Variants in TECRL observed in about 807,000 individuals in gnomAD.
TECRL encodes trans-2,3-enoyl-CoA reductase-like.
Under a neutral mutation model 52.8 loss-of-function variants are expected in TECRL, and 63 were observed. The ratio of observed to expected loss-of-function variants is 1.19; its 90% confidence interval spans 0.97 to 1.47. The LOEUF (loss-of-function observed/expected upper bound fraction) is 1.47, where lower values mean the gene tolerates loss of function less well. Ranked by LOEUF, TECRL falls within the 40% of genes most tolerant of loss-of-function variation. The pLI, the probability that TECRL is intolerant of heterozygous loss-of-function variation, is 0.00. For missense variants in TECRL, 482 were observed against 429.6 expected (o/e 1.12, Z -1.08); for synonymous variants, 164 against 141.9 (o/e 1.16, Z -1.10).
chr4:64,364,330 C>T (rs554572714), intron 2 of TECRL, among the ~76,000 whole-genome samples: 58 of 151,998 alleles, frequency 3.8e-4, no homozygotes, highest in African/African-American at 1.2e-3. Flanking sequence ...ATATTAACAA[C>T]GTCACATCTA....
At position 64,399,638 on chromosome 4, in the gene TECRL, C is replaced by A. The variant is rs149360354; in HGVS notation, c.234+9480G>T. 1.8e-3 allele frequency among the ~76,000 whole-genome samples: 278 copies of A among 152,308 alleles called. 7 individuals are homozygous for A. The highest frequency in any genetic ancestry group is 3.4e-4 in the Non-Finnish European group (23 of 68,032). The stretch of plus-strand genomic sequence containing the variant: ...GCCTAGACCCAGGACACTGCTTTTG[C>A]CTCCTGGCTGCTGGAGCTTCAACCC... On this transcript the variant is annotated intron_variant, in intron 1 of 11. Transcript: ENST00000381210.
chr4:64,279,431 GTAGAGACAGAGTCTCAATATGCTTTT>G lies in TECRL; in HGVS notation c.*615_*640del, dbSNP rs1023437226. 2.0e-5 allele frequency: 3 copies of G among 152,092 alleles called. No individual in the cohort carries two copies. Among genetic ancestry groups the G allele is most frequent in the African/African-American group, 7.2e-5 (3 of 41,400 alleles). The allele number at this position is 152,092 out of a possible 1,614,324, so 9.4% of individuals were successfully genotyped here. The stretch of plus-strand genomic sequence containing the variant: ...AATTTTTACTTTTTAAAATTTTTTT[GTAGAGACAGAGTCTCAATATGCTTTT>G]TAGAGACAGAGTCTCAATATGTTGC... On this transcript the variant is annotated 3_prime_UTR_variant, in exon 12 of 12. Coordinates refer to ENST00000381210, the MANE Select transcript of TECRL (RefSeq NM_001010874.5).
chr4:64,376,469 A>G (rs1722404779), intron 1 of TECRL, among the ~76,000 whole-genome samples: 1 of 151,948 alleles, frequency 6.6e-6, no homozygotes, highest in Non-Finnish European at 1.5e-5. Flanking sequence ...AGAGAGTAAT[A>G]TATATTTATA....
intron 8 of TECRL, 82 bp from the exon 9 acceptor site, chr4:64,289,849 C>A: frequency 2.4e-6 from 2 of 820,242 alleles, no homozygotes; most frequent in South Asian, 2.8e-5. Flanking sequence ...TATATAAAAT[C>A]TGTGTTGTAC....
intron 8 of TECRL, among the ~76,000 whole-genome samples, chr4:64,295,547 G>A (rs1344348044): frequency 6.6e-6 from 1 of 151,286 alleles, no homozygotes; most frequent in Admixed American, 6.6e-5. Flanking sequence ...ATAAAAATAT[G>A]AAAATATAGC....
chr4:64,399,100 G>A (rs977612278), intron 1 of TECRL, among the ~76,000 whole-genome samples: 2 of 152,006 alleles, frequency 1.3e-5, no homozygotes, highest in African/African-American at 4.8e-5. Flanking sequence ...CATGGTTTTA[G>A]TTTCTGTCTT....
intron 2 of TECRL, among the ~76,000 whole-genome samples, chr4:64,372,187 G>C (rs1422477089): frequency 6.6e-6 from 1 of 151,712 alleles, no homozygotes; most frequent in African/African-American, 2.4e-5. Flanking sequence ...GAGACTTGAA[G>C]ATGCAAACAA....
intron 2 of TECRL, among the ~76,000 whole-genome samples, chr4:64,342,899 G>GA (rs905106724): frequency 4.0e-5 from 6 of 151,856 alleles, no homozygotes; most frequent in African/African-American, 7.3e-5. Context: ...CACGTTTTCT[G>GA]AAAAAATAAC....
chr4:64,311,175 C>T (rs1034556105), intron 5 of TECRL, among the ~76,000 whole-genome samples: 5 of 152,136 alleles, frequency 3.3e-5, no homozygotes, highest in Non-Finnish European at 7.4e-5. Context: ...TTAGGAAAAA[C>T]AAATAATTAA....
At chr4:64,303,710 A>G (rs960234876) in intron 7 of TECRL, among the ~76,000 whole-genome samples, 17 of 151,792 alleles carry the variant, frequency 1.1e-4, no homozygotes, top group Admixed American at 5.9e-4. Context: ...TGCTTTCTCT[A>G]TTAAAGGAAA....
intron 4 of TECRL, among the ~76,000 whole-genome samples, chr4:64,319,959 T>G (rs902726153): frequency 6.6e-6 from 1 of 151,880 alleles, no homozygotes; most frequent in Non-Finnish European, 1.5e-5. Flanking sequence ...TATGTAAGTA[T>G]GCAAAGATAA....
intron 9 of TECRL, among the ~76,000 whole-genome samples, chr4:64,286,319 A>G (rs1051042502): frequency 5.3e-5 from 8 of 152,102 alleles, no homozygotes; most frequent in African/African-American, 1.7e-4. Flanking sequence ...AATATGAAAT[A>G]TATTTTCATT....
chr4:64,390,233 T>C lies in TECRL; in HGVS notation c.235-15010A>G, dbSNP rs912564339. Among the ~76,000 whole-genome samples the C allele has an allele frequency of 9.2e-5, 14 of 151,880 alleles. 1 individual carries two copies. The highest frequency in any genetic ancestry group is 6.6e-4 in the Admixed American group (10 of 15,220). Reference sequence around the variant, plus strand: ...GTGAATGAACTTTAGCACATGAATTTTGGAGTAAGTATTTTTGATGCAAAG... The same window carrying C: ...GTGAATGAACTTTAGCACATGAATTCTGGAGTAAGTATTTTTGATGCAAAG... On this transcript the variant is annotated intron_variant, in intron 1 of 11. Coordinates refer to ENST00000381210, the MANE Select transcript of TECRL (RefSeq NM_001010874.5).
chr4:64,373,250 T>G (rs955585449), intron 2 of TECRL, among the ~76,000 whole-genome samples: 3 of 151,584 alleles, frequency 2.0e-5, no homozygotes, highest in Admixed American at 6.6e-5. Context: ...AAGATAATTT[T>G]GAAAAAGTGA....
chr4:64,314,627 GTGTGTGTGTGTA>G lies in TECRL; in HGVS notation c.551+9_551+20del, dbSNP rs920414211. ...TGTGTGTGTGTGTGTGTGTGTGTGT[GTGTGTGTGTGTA>G]TCACTTACTGTACCACTGGGTGGCG... On this transcript the variant is annotated intron_variant, in intron 5 of 11. Coordinates refer to ENST00000381210, the MANE Select transcript of TECRL (RefSeq NM_001010874.5). The G allele has an allele frequency of 4.2e-6, 4 of 945,714 alleles. No individual in the cohort carries two copies. Among genetic ancestry groups the G allele is most frequent in the Admixed American group, 2.2e-5 (1 of 45,368 alleles). The allele number at this position is 945,714 out of a possible 1,614,324, so 58.6% of individuals were successfully genotyped here.
chr4:64,317,596 C>T (rs1018641360), intron 4 of TECRL, among the ~76,000 whole-genome samples: 2 of 152,156 alleles, frequency 1.3e-5, no homozygotes, highest in African/African-American at 4.8e-5. Flanking sequence ...ACTTGTAATA[C>T]AGTAAGATCA....
chr4:64,336,654 A>T (rs1412491614), intron 2 of TECRL, among the ~76,000 whole-genome samples: 1 of 152,086 alleles, frequency 6.6e-6, no homozygotes, highest in African/African-American at 2.4e-5. Context: ...TAGTGCTATA[A>T]ATTTCCCTCT....
At position 64,318,080 on chromosome 4, in the gene TECRL, T is replaced by C. The variant is rs889167179; in HGVS notation, c.436-3317A>G. 1.6e-4 allele frequency among the ~76,000 whole-genome samples: 25 copies of C among 152,324 alleles called. 1 individual carries two copies. Among genetic ancestry groups the C allele is most frequent in the African/African-American group, 5.5e-4 (23 of 41,580 alleles). Reference sequence around the variant, plus strand: ...TAATACAGTTCATTCATTTAGAAGATGGTAACTTATATTTGAAAGAAGATA... The same window carrying C: ...TAATACAGTTCATTCATTTAGAAGACGGTAACTTATATTTGAAAGAAGATA... On this transcript the variant is annotated intron_variant, in intron 4 of 11. Coordinates refer to ENST00000381210, the MANE Select transcript of TECRL (RefSeq NM_001010874.5).
At chr4:64,290,669 T>C (rs1723330036) in intron 8 of TECRL, among the ~76,000 whole-genome samples, 1 of 152,162 alleles carries the variant, frequency 6.6e-6, no homozygotes, top group Non-Finnish European at 1.5e-5. Context: ...TGGACTTTAA[T>C]TTCTGGATGT....
Sources: allele counts gnomAD v4.1 joint callset (sites outside exome capture counted in the v4.1 genomes callset), GRCh38; gene constraint gnomAD v4.1.1; transcripts MANE v1.5; gene names NCBI Gene and HGNC (gene_info 2026-07-23, HGNC 2026-07-21).